Variants in FRAS1 observed in about 807,000 individuals in gnomAD.
FRAS1 encodes extracellular matrix organizing protein FRAS1.
A neutral mutation model predicts 435.2 loss-of-function variants in FRAS1; 290 were observed. That is an observed-to-expected ratio of 0.67 (90% CI 0.61 to 0.73). The LOEUF is 0.73. Ranked by LOEUF, FRAS1 falls within the 30% of genes least tolerant of loss-of-function variation. The pLI, the probability that FRAS1 is intolerant of heterozygous loss-of-function variation, is 0.00. For synonymous variants in FRAS1, 1,800 were observed against 1,851.0 expected (o/e 0.97, Z 0.71); for missense variants, 4,860 against 5,001.5 (o/e 0.97, Z 0.85).
chr4:78,199,214 G>A (rs7698861), intron 2 of FRAS1, among the ~76,000 whole-genome samples: 145,947 of 152,298 alleles, frequency 0.96, 70,224 homozygotes, highest in East Asian at 1. Context: ...TGCAGTTTAC[G>A]GTAATCTAGT....
At chr4:78,404,534 T>C (rs1733027660) in intron 30 of FRAS1, among the ~76,000 whole-genome samples, 1 of 152,150 alleles carries the variant, frequency 6.6e-6, no homozygotes, top group Non-Finnish European at 1.5e-5. Context: ...TGTCCAGTAC[T>C]GAACCCTTCA....
At chr4:78,525,511 C>T in intron 69 of FRAS1, among the ~76,000 whole-genome samples, 1 of 152,154 alleles carries the variant, frequency 6.6e-6, no homozygotes, top group Admixed American at 6.5e-5. Context: ...CTACACTGAC[C>T]CCAGGATGTG....
At chr4:78,398,898 G>C (rs1732772259) in intron 29 of FRAS1, among the ~76,000 whole-genome samples, 2 of 152,116 alleles carry the variant, frequency 1.3e-5, no homozygotes, top group African/African-American at 4.8e-5. Context: ...CAGGGGAATT[G>C]TTTGAACCTG....
intron 60 of FRAS1, among the ~76,000 whole-genome samples, chr4:78,498,319 C>T (rs1720568863): frequency 1.3e-5 from 2 of 152,074 alleles, no homozygotes; most frequent in African/African-American, 4.8e-5. Context: ...CCAGCCTGAC[C>T]AACATGGAGA....
At chr4:78,066,305 G>C (rs1394112649) in intron 2 of FRAS1, among the ~76,000 whole-genome samples, 1 of 152,100 alleles carries the variant, frequency 6.6e-6, no homozygotes, top group East Asian at 1.9e-4. Flanking sequence ...GAGAAAATTA[G>C]ATCCCATCCT....
At chr4:78,241,904 CAG>C (rs1185154142) in intron 3 of FRAS1, among the ~76,000 whole-genome samples, 3 of 151,688 alleles carry the variant, frequency 2.0e-5, no homozygotes, top group African/African-American at 7.3e-5. Flanking sequence ...GAAAAAAAAA[CAG>C]AGATCCAGGT....
At position 78,470,092 on chromosome 4, in the gene FRAS1, G is replaced by A. The variant is rs371182263; in HGVS notation, c.7371+1G>A. ...GTGGCTGGAATACATGGATGGCAAGGTAAGGCCTGTCCCTCTGTCATGTTC... is the reference window on the plus strand; with the variant it reads ...GTGGCTGGAATACATGGATGGCAAGATAAGGCCTGTCCCTCTGTCATGTTC... On this transcript the variant is annotated splice_donor_variant, in intron 51 of 73. Transcript: ENST00000512123. LOFTEE classifies it high-confidence loss of function. 2 of 1,600,220 alleles carry A rather than the reference G, an allele frequency of 1.2e-6. No individual in the cohort carries two copies. The highest frequency in any genetic ancestry group is 1.7e-6 in the Non-Finnish European group (2 of 1,168,476).
intron 2 of FRAS1, among the ~76,000 whole-genome samples, chr4:78,114,260 C>T (rs919614516): frequency 1.5e-4 from 23 of 151,964 alleles, no homozygotes; most frequent in Admixed American, 3.9e-4. Context: ...AGTCAGGTAG[C>T]GTGATGCCTC....
intron 30 of FRAS1, among the ~76,000 whole-genome samples, chr4:78,403,663 G>A (rs1326705399): frequency 6.6e-5 from 10 of 152,156 alleles, no homozygotes; most frequent in Non-Finnish European, 1.5e-5. Flanking sequence ...TGAAGGACCT[G>A]AGTTCAACCA....
At chr4:78,174,000 T>A (rs917834736) in intron 2 of FRAS1, among the ~76,000 whole-genome samples, 2 of 152,236 alleles carry the variant, frequency 1.3e-5, no homozygotes, top group Non-Finnish European at 2.9e-5. Context: ...AACTGGGTGC[T>A]ACGTGACTAA....
intron 2 of FRAS1, chr4:78,181,357 T>C: frequency 6.2e-7 from 1 of 1,611,758 alleles, no homozygotes; most frequent in Non-Finnish European, 8.5e-7. Context: ...AGTCAGTTAA[T>C]TCGTCTTTGA....
chr4:78,504,395 G>T lies in FRAS1; in HGVS notation c.9317-3026G>T, dbSNP rs1720770297. Among the ~76,000 whole-genome samples, 4 of 152,174 alleles carry T rather than the reference G, an allele frequency of 2.6e-5. 1 individual carries two copies. In the South Asian group the frequency reaches 8.3e-4, roughly 31 times the overall value. On this transcript the variant is annotated intron_variant, in intron 61 of 73. Coordinates refer to ENST00000512123, the MANE Select transcript of FRAS1 (RefSeq NM_025074.7). ...CTCTAAGGACTTGCTTTATGAATCT[G>T]GATGCTCCTGTATTGGGTGTATATA...
chr4:78,388,557 G>A (rs1452488622), intron 29 of FRAS1, among the ~76,000 whole-genome samples: 2 of 152,088 alleles, frequency 1.3e-5, no homozygotes, highest in Non-Finnish European at 2.9e-5. Flanking sequence ...CAGCACTTTG[G>A]GAGGTTGAGG....
chr4:78,168,801 G>A (rs926875961), intron 2 of FRAS1, among the ~76,000 whole-genome samples: 1 of 152,030 alleles, frequency 6.6e-6, no homozygotes. Context: ...TGGATTTTGA[G>A]CCAGCTCTTT....
intron 20 of FRAS1, among the ~76,000 whole-genome samples, chr4:78,342,899 G>A (rs1057447737): frequency 3.3e-5 from 5 of 152,094 alleles, no homozygotes; most frequent in Non-Finnish European, 7.4e-5. Flanking sequence ...ATTTGTTATT[G>A]TTTATGAAGT....
chr4:78,367,723 G>A (rs998973394), intron 22 of FRAS1, among the ~76,000 whole-genome samples: 50 of 152,102 alleles, frequency 3.3e-4, no homozygotes, highest in African/African-American at 1.2e-3. Context: ...CATAAATGCG[G>A]GACTTTTCTT....
At position 78,446,743 on chromosome 4, in the gene FRAS1, C is replaced by T. The variant is rs372343935; in HGVS notation, c.5873C>T (p.Pro1958Leu). 38 of 1,612,910 alleles carry T rather than the reference C, an allele frequency of 2.4e-5. No individual in the cohort carries two copies. The highest frequency in any genetic ancestry group is 3.2e-5 in the Non-Finnish European group (38 of 1,179,576). Residue 1958 changes from proline (P) to leucine (L), a missense_variant, in exon 43 of 74, where the codon CCT (proline) becomes CTT (leucine). Coordinates refer to ENST00000512123, the MANE Select transcript of FRAS1 (RefSeq NM_025074.7). The part of the protein sequence containing the change: ...NITIERKNDE[P>L]PRMTLQPLRV... ...TTTAATCAGAGGAAGAACGATGAGC[C>T]TCCCAGGATGACCTTGCAGCCCCTC...
At chr4:78,214,849 G>A (rs1353250993) in intron 2 of FRAS1, among the ~76,000 whole-genome samples, 1 of 152,178 alleles carries the variant, frequency 6.6e-6, no homozygotes, top group Non-Finnish European at 1.5e-5. Context: ...GAACTGAGGG[G>A]CCCTTGTCAT....
At chr4:78,064,092 G>C (rs1739880922) in intron 1 of FRAS1, among the ~76,000 whole-genome samples, 1 of 151,580 alleles carries the variant, frequency 6.6e-6, no homozygotes, top group African/African-American at 2.4e-5. Flanking sequence ...ACCATAGACT[G>C]AACTACTAAG....
Sources: allele counts gnomAD v4.1 joint callset (sites outside exome capture counted in the v4.1 genomes callset), GRCh38; gene constraint gnomAD v4.1.1; transcripts MANE v1.5; gene names NCBI Gene and HGNC (gene_info 2026-07-23, HGNC 2026-07-21).